Variants in CACNA1C observed in about 807,000 individuals in gnomAD.
The protein encoded by CACNA1C is voltage-dependent L-type calcium channel subunit alpha-1C.
Under a neutral mutation model 229.0 loss-of-function variants are expected in CACNA1C, and 30 were observed. The observed-to-expected ratio is 0.13, with a 90% CI of 0.10 to 0.18. The LOEUF (loss-of-function observed/expected upper bound fraction) is 0.18. Ranked by LOEUF, CACNA1C falls within the 10% of genes least tolerant of loss-of-function variation. The probability of loss-of-function intolerance (pLI) is 1.00; values close to 1 mark genes in which losing one functional copy is unlikely to be tolerated. For synonymous variants in CACNA1C, 1,114 were observed against 1,132.5 expected, an observed-to-expected ratio of 0.98 and a Z score of 0.33; for missense variants, 1,658 against 2,845.0, an observed-to-expected ratio of 0.58 and a Z score of 9.49.
chr12:2,150,866 C>T (rs2095185641), intron 3 of CACNA1C, among the ~76,000 whole-genome samples: 1 of 152,214 alleles, frequency 6.6e-6, no homozygotes, highest in Non-Finnish European at 1.5e-5. Flanking sequence ...ATATAAGGTA[C>T]AGTGCACTTG....
chr12:2,188,174 C>T (rs2097101595), intron 3 of CACNA1C, among the ~76,000 whole-genome samples: 1 of 152,140 alleles, frequency 6.6e-6, no homozygotes, highest in South Asian at 2.1e-4. Flanking sequence ...GTCCCAGACC[C>T]TCAGATAGTT....
At chr12:2,667,270 A>ACAGTGG (rs2096214267) in intron 37 of CACNA1C, among the ~76,000 whole-genome samples, 3 of 151,940 alleles carry the variant, frequency 2.0e-5, no homozygotes, top group African/African-American at 7.2e-5. Flanking sequence ...CCTCCCCTCC[A>ACAGTGG]CCATGGCCAC....
chr12:2,339,543 T>C (rs2096798079), intron 3 of CACNA1C, among the ~76,000 whole-genome samples: 1 of 152,270 alleles, frequency 6.6e-6, no homozygotes, highest in Non-Finnish European at 1.5e-5. Context: ...AACATGTAGC[T>C]TAAAACACAA....
At chr12:2,588,327 G>A (rs1318845591) in intron 18 of CACNA1C, among the ~76,000 whole-genome samples, 5 of 152,224 alleles carry the variant, frequency 3.3e-5, no homozygotes, top group African/African-American at 9.6e-5. Flanking sequence ...CAGCACTGGT[G>A]AGTGTCCCTC....
rs1360568547 is a variant in CACNA1C, at chr12:2,695,931, G to A, written c.*4732G>A. 1.3e-5 allele frequency: 2 copies of A among 152,306 alleles called. No individual in the cohort carries two copies. The highest frequency in any genetic ancestry group is 2.9e-5 in the Non-Finnish European group (2 of 68,120). 9.4% of individuals were successfully genotyped at this position (152,306 alleles called of 1,614,324 possible). ...ACAGACACACACCGTTAAGGCACAA[G>A]GGCTGGGGTTGAGCTCTAGATGAGG... On this transcript the variant is annotated 3_prime_UTR_variant, in exon 47 of 47. Transcript: ENST00000399655.
chr12:2,408,904 T>G lies in CACNA1C; in HGVS notation c.478-40072T>G, dbSNP rs1205262393. On this transcript the variant is annotated intron_variant, in intron 3 of 46. Coordinates refer to ENST00000399655, the MANE Select transcript of CACNA1C (RefSeq NM_000719.7). ...CTAGACATTTCCAGGGCACCAGTCATAACATCAAGTAAGAAGCCTATTGCC... is the reference window on the plus strand; with the variant it reads ...CTAGACATTTCCAGGGCACCAGTCAGAACATCAAGTAAGAAGCCTATTGCC... 2.0e-5 allele frequency among the ~76,000 whole-genome samples: 3 copies of G among 152,246 alleles called. No homozygotes were observed. The East Asian group carries it at 5.8e-4, about 29-fold the overall frequency.
intron 1 of CACNA1C, among the ~76,000 whole-genome samples, chr12:2,024,254 C>A (rs144532822): frequency 6.6e-6 from 1 of 152,214 alleles, no homozygotes; most frequent in Admixed American, 6.5e-5. Flanking sequence ...CTGACTTCCA[C>A]GTATGGCCCA....
rs2096887696 is a variant in CACNA1C at position 2,677,576 on chromosome 12, C to A, written c.4957-157C>A. Reference sequence around the variant, plus strand: ...TTGTTCCATCAGAGGGCAGCCCAGCCCCCAGTTCACACACACACAAACCTT... The same window carrying A: ...TTGTTCCATCAGAGGGCAGCCCAGCACCCAGTTCACACACACACAAACCTT... On this transcript the variant is annotated intron_variant, in intron 40 of 46. Coordinates refer to ENST00000399655, the MANE Select transcript of CACNA1C (RefSeq NM_000719.7). The surrounding 1 kb of genome is among the most constrained non-coding windows in gnomAD (Gnocchi z 7.4). The A allele has an allele frequency of 7.4e-6, 6 of 808,070 alleles. No homozygotes were observed. The highest frequency in any genetic ancestry group is 1.2e-5 in the Non-Finnish European group (6 of 503,772). The allele number at this position is 808,070 out of a possible 1,614,324, so 50.1% of individuals were successfully genotyped here. A position where few individuals can be genotyped will look rare whatever the true frequency, so the allele number is the denominator to read the frequency against.
intron 3 of CACNA1C, among the ~76,000 whole-genome samples, chr12:2,122,136 ACTT>A (rs2087061794): frequency 1.3e-5 from 2 of 152,092 alleles, no homozygotes; most frequent in Non-Finnish European, 2.9e-5. Flanking sequence ...GTCACCCTGG[ACTT>A]CTTCTGGAGC....
intron 3 of CACNA1C, among the ~76,000 whole-genome samples, chr12:2,370,645 AAAT>A (rs2097843116): frequency 6.6e-6 from 1 of 152,256 alleles, no homozygotes; most frequent in Non-Finnish European, 1.5e-5. Flanking sequence ...TACAGTATAA[AAAT>A]AAATTCAATA....
chr12:2,469,957 T>TA lies in CACNA1C; in HGVS notation c.757+12259dup, dbSNP rs530186735. Among the ~76,000 whole-genome samples, 297 of 152,062 alleles carry TA rather than the reference T, an allele frequency of 2.0e-3. 1 individual carries two copies. The highest frequency in any genetic ancestry group is 4.8e-3 in the African/African-American group (198 of 41,462). ...TTAATTACATTGCATTTTCCAGAAA[T>TA]AAAAAAAAGCTTGAATACCCCTGAA... On this transcript the variant is annotated intron_variant, in intron 5 of 46. Transcript: ENST00000399655.
chr12:2,159,374 G>A (rs1237539093), intron 3 of CACNA1C, among the ~76,000 whole-genome samples: 2 of 151,764 alleles, frequency 1.3e-5, no homozygotes, highest in African/African-American at 2.4e-5. Flanking sequence ...GTGTGCCTGT[G>A]GTCCCAGCTA....
rs114765514 is a variant in CACNA1C, at chr12:2,677,997, T to G, written c.5091+130T>G. 1.1e-4 allele frequency: 122 copies of G among 1,076,028 alleles called. No individual in the cohort carries two copies. The African/African-American group carries it at 1.8e-3, about 16-fold the overall frequency. The allele number at this position is 1,076,028 out of a possible 1,614,324, so 66.7% of individuals were successfully genotyped here. On this transcript the variant is annotated intron_variant, in intron 41 of 46. Coordinates refer to ENST00000399655, the MANE Select transcript of CACNA1C (RefSeq NM_000719.7). The surrounding 1 kb of genome is among the most constrained non-coding windows in gnomAD (Gnocchi z 7.4). ...GAGGAAAGGGCTACTTCCAGGCTCT[T>G]CCTGATGAGCTGTCTCCTCACCCCT... is the stretch of plus-strand genomic sequence containing the variant.
At chr12:2,328,151 G>A (rs1216090519) in intron 3 of CACNA1C, among the ~76,000 whole-genome samples, 1 of 152,202 alleles carries the variant, frequency 6.6e-6, no homozygotes, top group Admixed American at 6.5e-5. Flanking sequence ...TGAGAGTAGA[G>A]AGGGTGCTGG....
chr12:2,326,076 A>G (rs1055488802), intron 3 of CACNA1C, among the ~76,000 whole-genome samples: 2 of 152,138 alleles, frequency 1.3e-5, no homozygotes, highest in Non-Finnish European at 2.9e-5. Context: ...CCCACATTTC[A>G]GGGGGAGCGT....
In CACNA1C at chr12:2,605,554, G is replaced by C; in HGVS notation, c.3049-125G>C. Reference sequence around the variant, plus strand: ...TCACTTCCCATGTGACTTTGGGAGCGTGGCTTTGCCCCTCTCAGCCCAATT... The same window carrying C: ...TCACTTCCCATGTGACTTTGGGAGCCTGGCTTTGCCCCTCTCAGCCCAATT... On this transcript the variant is annotated intron_variant, in intron 23 of 46. Coordinates refer to ENST00000399655, the MANE Select transcript of CACNA1C (RefSeq NM_000719.7). This position sits in a 1 kb window ranked among gnomAD's most constrained non-coding sequence, Gnocchi z 6.2. The C allele has an allele frequency of 1.4e-6, 1 of 714,276 alleles. No homozygotes were observed. The highest frequency in any genetic ancestry group is 2.5e-6 in the Non-Finnish European group (1 of 393,522). The allele number at this position is 714,276 out of a possible 1,614,324, so 44.2% of individuals were successfully genotyped here.
chr12:2,006,259 T>G (rs1455592755), intron 1 of CACNA1C, among the ~76,000 whole-genome samples: 1 of 151,890 alleles, frequency 6.6e-6, no homozygotes, highest in African/African-American at 2.4e-5. Context: ...AATACAAAAA[T>G]TAGCCAGGAG....
intron 9 of CACNA1C, among the ~76,000 whole-genome samples, chr12:2,513,532 T>C (rs1439513704): frequency 6.6e-6 from 1 of 152,198 alleles, no homozygotes; most frequent in Non-Finnish European, 1.5e-5. Flanking sequence ...CCCAGAGGAA[T>C]TCGGCAGAAT....
In CACNA1C at chr12:2,151,407, A is replaced by T. The variant is rs147283714; in HGVS notation, c.477+30977A>T. Among the ~76,000 whole-genome samples the T allele has an allele frequency of 4.2e-3, 631 of 151,222 alleles. 2 individuals are homozygous for T. The highest frequency in any genetic ancestry group is 0.014 in the African/African-American group (589 of 41,138). On this transcript the variant is annotated intron_variant, in intron 3 of 46. Coordinates refer to ENST00000399655, the MANE Select transcript of CACNA1C (RefSeq NM_000719.7). ...TTTGAGATGGTAGGAGGGGTGTCTGACTGAGGAGCCATTTTTATAGGTTTT... is the reference window on the plus strand; with the variant it reads ...TTTGAGATGGTAGGAGGGGTGTCTGTCTGAGGAGCCATTTTTATAGGTTTT...
Sources: gnomAD v4.1 joint callset for allele counts (sites outside exome capture counted in the v4.1 genomes callset) on GRCh38, gnomAD v4.1.1 for gene constraint, Gnocchi (gnomAD v3.1) non-coding constraint, MANE v1.5 for transcripts, NCBI Gene and HGNC (gene_info 2026-07-23, HGNC 2026-07-21) for gene names.